PLCL1: variants seen among roughly 807,000 people sequenced by gnomAD.
PLCL1 encodes inactive phospholipase C-like protein 1.
In PLCL1, 41 loss-of-function variants were observed where a neutral mutation model predicts 84.4. That is an observed-to-expected ratio of 0.49 (90% CI 0.38 to 0.63). PLCL1 has a LOEUF of 0.63. PLCL1 is among the 30% of genes least tolerant of loss of function. PLCL1 has a pLI of 0.00. For synonymous variants in PLCL1, 490 were observed against 488.3 expected (o/e 1.00, Z -0.05); for missense variants, 1,206 against 1,367.8 (o/e 0.88, Z 1.87).
At chr2:197,981,716 C>T (rs984780874) in intron 1 of PLCL1, among the ~76,000 whole-genome samples, 3 of 152,076 alleles carry the variant, frequency 2.0e-5, no homozygotes, top group African/African-American at 7.2e-5. Flanking sequence ...TTTTCCAGAA[C>T]GAATTTATCC....
chr2:198,068,850 C>T (rs1238815015), intron 1 of PLCL1, among the ~76,000 whole-genome samples: 2 of 151,786 alleles, frequency 1.3e-5, no homozygotes, highest in Non-Finnish European at 2.9e-5. Context: ...GGAGAAACCC[C>T]ATCTCTAATA....
intron 1 of PLCL1, among the ~76,000 whole-genome samples, chr2:198,054,144 G>A (rs879788864): frequency 1.3e-5 from 2 of 152,208 alleles, no homozygotes; most frequent in Admixed American, 6.5e-5. Context: ...AAATATGTAT[G>A]CACCCAACAT....
chr2:197,845,491 A>G (rs1687102134), intron 1 of PLCL1, among the ~76,000 whole-genome samples: 1 of 152,156 alleles, frequency 6.6e-6, no homozygotes, highest in Non-Finnish European at 1.5e-5. Flanking sequence ...CTGGCAAGAA[A>G]AGAAAAGATT....
chr2:198,010,580 C>T (rs1288072882), intron 1 of PLCL1, among the ~76,000 whole-genome samples: 5 of 151,872 alleles, frequency 3.3e-5, no homozygotes, highest in African/African-American at 1.2e-4. Context: ...AGGGTTTTTG[C>T]ATCAGTATTC....
At chr2:198,029,089 A>G (rs10207232) in intron 1 of PLCL1, among the ~76,000 whole-genome samples, 108,741 of 152,052 alleles carry the variant, frequency 0.72, 39,605 homozygotes, top group Middle Eastern at 0.85. Flanking sequence ...TCACAGCGTG[A>G]TCATGATCTT....
chr2:198,114,574 G>C (rs899255306), intron 5 of PLCL1, among the ~76,000 whole-genome samples: 2 of 151,780 alleles, frequency 1.3e-5, no homozygotes, highest in Non-Finnish European at 2.9e-5. Flanking sequence ...AAGTGAGTTT[G>C]ATGTCTTAAC....
chr2:197,890,695 T>TAC (rs1193450932), intron 1 of PLCL1, among the ~76,000 whole-genome samples: 5 of 129,056 alleles, frequency 3.9e-5, no homozygotes, highest in Non-Finnish European at 8.1e-5. Flanking sequence ...TATATATATA[T>TAC]ATATATACAC....
intron 1 of PLCL1, among the ~76,000 whole-genome samples, chr2:198,080,522 C>T (rs1692684341): frequency 6.6e-6 from 1 of 152,158 alleles, no homozygotes. Flanking sequence ...GGCACCATTT[C>T]CATCTCCCCT....
At chr2:197,856,113 G>A (rs75551693) in intron 1 of PLCL1, among the ~76,000 whole-genome samples, 2 of 152,114 alleles carry the variant, frequency 1.3e-5, no homozygotes, top group Non-Finnish European at 2.9e-5. Context: ...ACAATTTTGA[G>A]TTACTTGTCT....
chr2:197,920,330 TGAA>T (rs1453818060), intron 1 of PLCL1, among the ~76,000 whole-genome samples: 1 of 151,750 alleles, frequency 6.6e-6, no homozygotes, highest in Non-Finnish European at 1.5e-5. Flanking sequence ...TTGTGAAACA[TGAA>T]GAAACTGGAC....
At chr2:198,076,964 G>A (rs1692589110) in intron 1 of PLCL1, among the ~76,000 whole-genome samples, 1 of 152,162 alleles carries the variant, frequency 6.6e-6, no homozygotes, top group South Asian at 2.1e-4. Flanking sequence ...TAGGCCCATT[G>A]GAAAGGCAAA....
intron 1 of PLCL1, among the ~76,000 whole-genome samples, chr2:197,806,795 C>A (rs1375605399): frequency 6.6e-6 from 1 of 152,146 alleles, no homozygotes; most frequent in Non-Finnish European, 1.5e-5. Context: ...GTAAAACAGG[C>A]ACTGCAAGAG....
intron 1 of PLCL1, among the ~76,000 whole-genome samples, chr2:197,825,134 T>C (rs559275478): frequency 5.0e-4 from 76 of 152,186 alleles, no homozygotes; most frequent in Admixed American, 1.0e-3. Flanking sequence ...GAGGATATAA[T>C]GAATATAACA....
intron 1 of PLCL1, among the ~76,000 whole-genome samples, chr2:198,065,042 A>G (rs181920481): frequency 3.0e-4 from 46 of 152,324 alleles, no homozygotes; most frequent in African/African-American, 1.1e-3. Context: ...ACACAAACCT[A>G]CATTCTGTAG....
intron 1 of PLCL1, among the ~76,000 whole-genome samples, chr2:198,063,429 G>C (rs1692251504): frequency 6.6e-6 from 1 of 152,114 alleles, no homozygotes; most frequent in Non-Finnish European, 1.5e-5. Context: ...CAAACTCAAA[G>C]TGAATGTATT....
chr2:197,843,214 C>T (rs968740353), intron 1 of PLCL1, among the ~76,000 whole-genome samples: 2 of 152,074 alleles, frequency 1.3e-5, no homozygotes, highest in Non-Finnish European at 2.9e-5. Context: ...TTGCAATGAT[C>T]GACTAGTAAT....
chr2:197,807,742 A>G (rs919152572), intron 1 of PLCL1, among the ~76,000 whole-genome samples: 1 of 152,212 alleles, frequency 6.6e-6, no homozygotes, highest in African/African-American at 2.4e-5. Flanking sequence ...AAGCTTTAGT[A>G]CATTTTAATC....
intron 3 of PLCL1, among the ~76,000 whole-genome samples, chr2:198,095,846 C>T (rs566941823): frequency 6.6e-4 from 100 of 152,246 alleles, no homozygotes; most frequent in African/African-American, 2.2e-3. Context: ...CACATTTCTA[C>T]GTTTTATTCT....
At chr2:197,974,937 C>T (rs1385679805) in intron 1 of PLCL1, among the ~76,000 whole-genome samples, 1 of 151,766 alleles carries the variant, frequency 6.6e-6, no homozygotes, top group Admixed American at 6.6e-5. Flanking sequence ...GTCAGGAGAT[C>T]GAGACCATCC....
Sources: gnomAD v4.1 joint callset for allele counts (sites outside exome capture counted in the v4.1 genomes callset) on GRCh38, gnomAD v4.1.1 for gene constraint, MANE v1.5 for transcripts, NCBI Gene and HGNC (gene_info 2026-07-23, HGNC 2026-07-21) for gene names.